The following GRIK4 variants were observed in gnomAD, a reference collection of about 807,000 sequenced individuals.
GRIK4 encodes the protein glutamate ionotropic receptor kainate type subunit 4.
In GRIK4, 40 loss-of-function variants were observed where a neutral mutation model predicts 104.9. That is an observed-to-expected ratio of 0.38 (90% confidence interval 0.30 to 0.50). The LOEUF (loss-of-function observed/expected upper bound fraction) is 0.50, where lower values mean the gene tolerates loss of function less well. Ranked by LOEUF, GRIK4 falls within the 20% of genes least tolerant of loss-of-function variation. The probability of loss-of-function intolerance (pLI) is 0.93; values close to 1 mark genes in which losing one functional copy is unlikely to be tolerated. For synonymous variants in GRIK4, 485 were observed against 524.9 expected, an observed-to-expected ratio of 0.92 and a Z score of 1.04; for missense variants, 1,047 against 1,308.1, an observed-to-expected ratio of 0.80 and a Z score of 3.08.
At chr11:120,895,925 A>T (rs1320332053) in intron 11 of GRIK4, among the ~76,000 whole-genome samples, 3 of 152,214 alleles carry the variant, frequency 2.0e-5, no homozygotes, top group African/African-American at 7.2e-5. Context: ...ATCTCAGGCC[A>T]TAACATGGCC....
At chr11:120,545,126 C>A (rs1255758552) in intron 1 of GRIK4, among the ~76,000 whole-genome samples, 2 of 152,096 alleles carry the variant, frequency 1.3e-5, no homozygotes, top group Admixed American at 6.6e-5. Context: ...GGGTCACTGG[C>A]CGGTTTCCTG....
intron 1 of GRIK4, among the ~76,000 whole-genome samples, chr11:120,626,462 T>C (rs1949260450): frequency 6.6e-6 from 1 of 152,048 alleles, no homozygotes; most frequent in Admixed American, 6.5e-5. Flanking sequence ...TGGCATGTCT[T>C]ATGTGTGTGG....
At chr11:120,926,075 T>C (rs1284013911) in intron 13 of GRIK4, among the ~76,000 whole-genome samples, 10 of 152,200 alleles carry the variant, frequency 6.6e-5, no homozygotes, top group Non-Finnish European at 1.2e-4. Context: ...TGATTCGACA[T>C]GTAAATTGTT....
At chr11:120,518,822 T>C (rs908627002) in intron 1 of GRIK4, among the ~76,000 whole-genome samples, 2 of 152,166 alleles carry the variant, frequency 1.3e-5, no homozygotes, top group Non-Finnish European at 2.9e-5. Context: ...GGTTTCACCA[T>C]GGACCAGGCT....
At chr11:120,961,211 C>T (rs1944280615) in intron 17 of GRIK4, 137 bp downstream of exon 17, 3 of 763,372 alleles carry the variant, frequency 3.9e-6, no homozygotes, top group Non-Finnish European at 6.3e-6. Flanking sequence ...CCACATGGGG[C>T]TCATTTATCT....
intron 16 of GRIK4, 90 bp from the exon 17 acceptor site, chr11:120,960,819 C>G: frequency 3.1e-6 from 3 of 965,514 alleles, no homozygotes; most frequent in Non-Finnish European, 4.7e-6. Context: ...GATGCCTGGT[C>G]TCTCCCATGT....
intron 3 of GRIK4, among the ~76,000 whole-genome samples, chr11:120,766,449 C>G (rs1259365910): frequency 6.6e-6 from 1 of 152,194 alleles, no homozygotes; most frequent in East Asian, 1.9e-4. Context: ...GCCCCCTTTT[C>G]AGGGGAGTGT....
intron 8 of GRIK4, 58 bp from the exon 9 acceptor site, chr11:120,861,901 A>G: frequency 7.7e-7 from 1 of 1,298,238 alleles, no homozygotes; most frequent in Non-Finnish European, 1.1e-6. Context: ...ACCAAAGTCC[A>G]TCCCTCACTT....
chr11:120,534,387 G>A (rs1373116972), intron 1 of GRIK4, among the ~76,000 whole-genome samples: 1 of 152,194 alleles, frequency 6.6e-6, no homozygotes, highest in Non-Finnish European at 1.5e-5. Flanking sequence ...ATAGAGACAA[G>A]TGGTGGGGCT....
rs201070778 is a variant in GRIK4, at chr11:120,885,386, C to CTT, written c.1164+10156_1164+10157dup. On this transcript the variant is annotated intron_variant, in intron 11 of 20. Transcript: ENST00000527524. Reference sequence around the variant, plus strand: ...TGGGGTGTAGGCAACATAAATTCTTCTTTTTTTTTTTTTTCTGAGATGGAG... The same window carrying CTT: ...TGGGGTGTAGGCAACATAAATTCTTCTTTTTTTTTTTTTTTTCTGAGATGGAG... Among the ~76,000 whole-genome samples the CTT allele has an allele frequency of 2.5e-3, 357 of 145,370 alleles. 5 individuals carry two copies. The highest frequency in any genetic ancestry group is 0.022 in the South Asian group (99 of 4,520).
At chr11:120,561,242 G>T (rs1948234390) in intron 1 of GRIK4, among the ~76,000 whole-genome samples, 3 of 151,954 alleles carry the variant, frequency 2.0e-5, no homozygotes, top group Admixed American at 6.6e-5. Context: ...CCAGGGGAGG[G>T]TGGGTTGCTG....
intron 3 of GRIK4, among the ~76,000 whole-genome samples, chr11:120,670,051 T>C (rs1340044760): frequency 6.6e-6 from 1 of 152,234 alleles, no homozygotes; most frequent in Non-Finnish European, 1.5e-5. Flanking sequence ...TCTGTGGACA[T>C]AGGCTCCAAA....
Position 120,905,444 on chromosome 11 carries a change from C to T in GRIK4, c.1427C>T (p.Pro476Leu). ...RLVGDGVYGV[P>L]EANGTWTGMV... is the part of the protein sequence containing the mutation. Reference sequence around the variant, plus strand: ...GTTGGGGATGGCGTGTACGGCGTTCCCGAGGCCAACGGCACCTGGACGGGA... The same window carrying T: ...GTTGGGGATGGCGTGTACGGCGTTCTCGAGGCCAACGGCACCTGGACGGGA... The change falls in exon 13 of 21, where the codon CCC (proline) becomes CTC (leucine). Residue 476 changes from proline to leucine, a missense_variant. Pro to Leu is a moderately conservative substitution (Grantham distance 98). This residue lies in a region of GRIK4 where 440 missense variants were observed against 652.3 expected (regional missense o/e 0.67). Coordinates refer to ENST00000527524, the MANE Select transcript of GRIK4 (RefSeq NM_014619.5). This position sits in a 1 kb window ranked among gnomAD's most constrained non-coding sequence, Gnocchi z 5.1. 6.2e-7 allele frequency: 1 copy of T among 1,613,810 alleles called. No homozygotes were observed. Among genetic ancestry groups the T allele is most frequent in the South Asian group, 1.1e-5 (1 of 91,064 alleles).
At chr11:120,708,704 G>A (rs1056409255) in intron 3 of GRIK4, among the ~76,000 whole-genome samples, 4 of 152,196 alleles carry the variant, frequency 2.6e-5, no homozygotes, top group African/African-American at 9.7e-5. Context: ...CAGTCGGGCT[G>A]GGCCAGAACG....
chr11:120,768,757 C>G (rs541919479), intron 3 of GRIK4, among the ~76,000 whole-genome samples: 87 of 152,202 alleles, frequency 5.7e-4, no homozygotes, highest in African/African-American at 2.0e-3. Flanking sequence ...AGAAGGGATG[C>G]TGAACTTTGT....
At chr11:120,867,202 C>T (rs1259432663) in intron 9 of GRIK4, among the ~76,000 whole-genome samples, 1 of 152,172 alleles carries the variant, frequency 6.6e-6, no homozygotes, top group African/African-American at 2.4e-5. Context: ...GCGACAATAG[C>T]AACACACCTC....
At chr11:120,697,941 C>G (rs1259278454) in intron 3 of GRIK4, among the ~76,000 whole-genome samples, 1 of 152,268 alleles carries the variant, frequency 6.6e-6, no homozygotes, top group East Asian at 1.9e-4. Flanking sequence ...CTTACCTCCT[C>G]CTGCTCATAG....
At chr11:120,661,341 G>A (rs1040604721) in intron 3 of GRIK4, among the ~76,000 whole-genome samples, 1 of 152,180 alleles carries the variant, frequency 6.6e-6, no homozygotes, top group Admixed American at 6.5e-5. Context: ...TCCAACAGCA[G>A]GGCCCCAAGG....
chr11:120,639,371 T>C (rs1440841445), intron 1 of GRIK4, among the ~76,000 whole-genome samples: 1 of 151,956 alleles, frequency 6.6e-6, no homozygotes, highest in African/African-American at 2.4e-5. Context: ...GATGGGAGAA[T>C]CCCCGGGGCC....
Sources: gnomAD v4.1 joint callset for allele counts (sites outside exome capture counted in the v4.1 genomes callset) on GRCh38, gnomAD v4.1.1 for gene constraint, gnomAD v4.1.1 regional missense constraint, Gnocchi (gnomAD v3.1) non-coding constraint, MANE v1.5 for transcripts, NCBI Gene and HGNC (gene_info 2026-07-23, HGNC 2026-07-21) for gene names.